Variants in LRRN1 observed in about 807,000 individuals in gnomAD.
LRRN1 encodes leucine-rich repeat neuronal protein 1.
A neutral mutation model predicts 45.8 loss-of-function variants in LRRN1; 14 were observed. The ratio of observed to expected loss-of-function variants is 0.31; its 90% CI spans 0.20 to 0.48. The LOEUF (loss-of-function observed/expected upper bound fraction) is 0.48, where lower values mean the gene tolerates loss of function less well. Among genes scored for constraint, LRRN1 ranks in the 20% least tolerant of loss-of-function variants. The pLI is 0.99. For missense variants in LRRN1, 789 were observed against 874.2 expected, an observed-to-expected ratio of 0.90 and a Z score of 1.23; for synonymous variants, 359 against 330.1, an observed-to-expected ratio of 1.09 and a Z score of -0.95.
chr3:3,817,026 T>C (rs1336003987), intron 1 of LRRN1, among the ~76,000 whole-genome samples: 1 of 152,184 alleles, frequency 6.6e-6, no homozygotes, highest in Non-Finnish European at 1.5e-5. Context: ...GCCTACGTGA[T>C]TATGGAGGCC....
chr3:3,842,160 C>A (rs777431161), intron 1 of LRRN1, among the ~76,000 whole-genome samples: 27 of 152,066 alleles, frequency 1.8e-4, no homozygotes, highest in Non-Finnish European at 3.4e-4. Flanking sequence ...AAATATGGTA[C>A]TATTAATACA....
intron 1 of LRRN1, among the ~76,000 whole-genome samples, chr3:3,828,377 C>G (rs1023436549): frequency 6.6e-6 from 1 of 151,742 alleles, no homozygotes; most frequent in Non-Finnish European, 1.5e-5. Flanking sequence ...CTCTTTTTCA[C>G]GTTTTTCTGC....
chr3:3,800,043 C>T (rs1219766031), intron 1 of LRRN1, 124 bp downstream of exon 1: 3 of 151,492 alleles, frequency 2.0e-5, no homozygotes, highest in Admixed American at 2.0e-4. Context: ...GATCGCGGGC[C>T]TGAGGGGGAC....
At chr3:3,800,502 C>T (rs1487296395) in intron 1 of LRRN1, among the ~76,000 whole-genome samples, 3 of 151,802 alleles carry the variant, frequency 2.0e-5, no homozygotes, top group Non-Finnish European at 2.9e-5. Context: ...AAGTCAGAGC[C>T]TTGGGAAGGA....
At chr3:3,842,449 A>G (rs892387233) in intron 1 of LRRN1, among the ~76,000 whole-genome samples, 1 of 151,934 alleles carries the variant, frequency 6.6e-6, no homozygotes, top group Non-Finnish European at 1.5e-5. Flanking sequence ...CATATTTTGT[A>G]TAACAAAAAA....
At chr3:3,811,628 G>A (rs1692873259) in intron 1 of LRRN1, among the ~76,000 whole-genome samples, 1 of 152,166 alleles carries the variant, frequency 6.6e-6, no homozygotes, top group African/African-American at 2.4e-5. Flanking sequence ...TACTGCTTTA[G>A]AGAGCTTATT....
At chr3:3,809,682 T>C (rs1692837377) in intron 1 of LRRN1, among the ~76,000 whole-genome samples, 2 of 152,212 alleles carry the variant, frequency 1.3e-5, no homozygotes, top group African/African-American at 4.8e-5. Context: ...TCAGAACTGC[T>C]TCTCAGCTCT....
intron 1 of LRRN1, among the ~76,000 whole-genome samples, chr3:3,832,697 C>T (rs746985738): frequency 6.6e-6 from 1 of 152,162 alleles, no homozygotes; most frequent in African/African-American, 2.4e-5. Flanking sequence ...ACCCAGCCTC[C>T]CCTTCATTCA....
intron 1 of LRRN1, among the ~76,000 whole-genome samples, chr3:3,833,601 TC>T (rs894254011): frequency 6.6e-6 from 1 of 152,102 alleles, no homozygotes; most frequent in African/African-American, 2.4e-5. Context: ...CAGGGGCCCA[TC>T]GGGATTTTAG....
intron 1 of LRRN1, among the ~76,000 whole-genome samples, chr3:3,838,351 C>A (rs1693571121): frequency 1.3e-5 from 2 of 152,120 alleles, no homozygotes; most frequent in Admixed American, 6.6e-5. Flanking sequence ...GCAAAATCAC[C>A]AAAAGCAATT....
intron 1 of LRRN1, among the ~76,000 whole-genome samples, chr3:3,818,035 C>T (rs1693022722): frequency 6.6e-6 from 1 of 152,198 alleles, no homozygotes; most frequent in African/African-American, 2.4e-5. Flanking sequence ...TATTTTTTCA[C>T]TGGTGTATGT....
rs557688688 is a variant in LRRN1, at chr3:3,805,390, A to T, written c.-279+5471A>T. 2.6e-5 allele frequency among the ~76,000 whole-genome samples: 4 copies of T among 152,318 alleles called. No individual in the cohort carries two copies. The South Asian group carries it at 8.3e-4, about 32-fold the overall frequency. The stretch of plus-strand genomic sequence containing the variant: ...TGATAAGTCTTAGTTTGCATCCATA[A>T]TAATCAGTGTAATCAAGTACTGTAC... On this transcript the variant is annotated intron_variant, in intron 1 of 1. Transcript: ENST00000319331.
intron 1 of LRRN1, among the ~76,000 whole-genome samples, chr3:3,843,313 G>A (rs1693685090): frequency 6.6e-6 from 1 of 152,156 alleles, no homozygotes; most frequent in African/African-American, 2.4e-5. Flanking sequence ...TACATCTATT[G>A]TGTATGTTTG....
intron 1 of LRRN1, among the ~76,000 whole-genome samples, chr3:3,809,482 CTA>C (rs1228328653): frequency 6.6e-6 from 1 of 152,220 alleles, no homozygotes; most frequent in African/African-American, 2.4e-5. Context: ...CTTCAAACTG[CTA>C]GCAATATTAA....
chr3:3,828,989 TTC>T (rs1486879390), intron 1 of LRRN1, among the ~76,000 whole-genome samples: 5 of 128,410 alleles, frequency 3.9e-5, no homozygotes, highest in East Asian at 3.0e-4. Flanking sequence ...TTTCTTTTCT[TTC>T]TTTTTTTTTT....
intron 1 of LRRN1, among the ~76,000 whole-genome samples, chr3:3,813,237 G>A (rs374845530): frequency 1.3e-5 from 2 of 152,096 alleles, no homozygotes; most frequent in Non-Finnish European, 2.9e-5. Context: ...TAATTTCGTC[G>A]GTGCTCTAAT....
intron 1 of LRRN1, among the ~76,000 whole-genome samples, chr3:3,812,108 C>A (rs1003127087): frequency 5.9e-5 from 9 of 152,210 alleles, no homozygotes; most frequent in Non-Finnish European, 1.2e-4. Context: ...TGGCAGATAT[C>A]TACAGCCCCA....
At chr3:3,826,310 T>A (rs537283762) in intron 1 of LRRN1, among the ~76,000 whole-genome samples, 304 of 152,330 alleles carry the variant, frequency 2.0e-3, no homozygotes, top group Non-Finnish European at 3.6e-3. Flanking sequence ...AAAGGGCTGA[T>A]GACTTCCTGA....
chr3:3,845,364 T>C lies in LRRN1; in HGVS notation c.723T>C (p.Leu241=). 6.2e-7 allele frequency: 1 copy of C among 1,614,102 alleles called. No individual in the cohort carries two copies. The highest frequency in any genetic ancestry group is 8.5e-7 in the Non-Finnish European group (1 of 1,179,986). ...PGNALVGLDS[L]ESLSFYDNKL... ...ATGCTTTGGTGGGTCTGGATAGCCT[T>C]GAGAGCCTGTCTTTTTATGATAACA... The change falls in exon 2 of 2, where the codon CTT becomes CTC. Residue 241 remains leucine (L), a synonymous_variant. Transcript: ENST00000319331. This position sits in a 1 kb window ranked among gnomAD's most constrained non-coding sequence, Gnocchi z 6.5.
Sources: gnomAD v4.1 joint callset for allele counts (sites outside exome capture counted in the v4.1 genomes callset) on GRCh38, gnomAD v4.1.1 for gene constraint, Gnocchi (gnomAD v3.1) non-coding constraint, MANE v1.5 for transcripts, NCBI Gene and HGNC (gene_info 2026-07-23, HGNC 2026-07-21) for gene names.